Variants in DAAM1 observed in about 807,000 individuals in gnomAD.
The protein encoded by DAAM1 is disheveled-associated activator of morphogenesis 1.
In DAAM1, 52 loss-of-function variants were observed where a neutral mutation model predicts 130.0. The ratio of observed to expected loss-of-function variants is 0.40; its 90% CI spans 0.32 to 0.50. DAAM1 has a LOEUF of 0.50. DAAM1 is among the 20% of genes least tolerant of loss of function. DAAM1 has a pLI of 0.61. For missense variants in DAAM1, 1,134 were observed against 1,303.8 expected (o/e 0.87, Z 2.01); for synonymous variants, 452 against 444.5 (o/e 1.02, Z -0.21).
At chr14:59,232,654 T>G (rs1027786783) in intron 1 of DAAM1, among the ~76,000 whole-genome samples, 2 of 152,020 alleles carry the variant, frequency 1.3e-5, no homozygotes, top group Admixed American at 6.5e-5. Context: ...TCTTTTAAGT[T>G]CTGGGATACA....
At chr14:59,275,688 C>G (rs1039318547) in intron 2 of DAAM1, among the ~76,000 whole-genome samples, 4 of 152,150 alleles carry the variant, frequency 2.6e-5, no homozygotes, top group Non-Finnish European at 4.4e-5. Flanking sequence ...GTCTAGCCAA[C>G]TGAATATAGT....
At chr14:59,364,614 A>C (rs1342553787) in intron 23 of DAAM1, among the ~76,000 whole-genome samples, 1 of 151,238 alleles carries the variant, frequency 6.6e-6, no homozygotes, top group Non-Finnish European at 1.5e-5. Context: ...CCCATCTCTC[A>C]GTTGCCACAA....
intron 4 of DAAM1, among the ~76,000 whole-genome samples, chr14:59,316,293 C>T (rs1884792168): frequency 6.6e-6 from 1 of 152,134 alleles, no homozygotes; most frequent in South Asian, 2.1e-4. Context: ...TCACTCAAAA[C>T]AAGCATTTTA....
Position 59,371,090 on chromosome 14 carries a change from TGAAAA to T in DAAM1, c.*2237_*2241del, listed in dbSNP as rs1391941485. The T allele has an allele frequency of 2.2e-5, 2 of 89,138 alleles. No homozygotes were observed. Among genetic ancestry groups the T allele is most frequent in the Admixed American group, 2.6e-4 (2 of 7,706 alleles). 5.5% of individuals were successfully genotyped at this position (89,138 alleles called of 1,614,324 possible). On this transcript the variant is annotated 3_prime_UTR_variant, in exon 25 of 25. Coordinates refer to ENST00000360909, the MANE Select transcript of DAAM1 (RefSeq NM_001270520.2). ...TGCAGGTAATTCCATGTGCCATTGT[TGAAAA>T]GAAAAAAAAAAAACAAAAAAAAAAC...
chr14:59,350,131 A>G (rs1339571991), intron 17 of DAAM1, among the ~76,000 whole-genome samples: 1 of 152,076 alleles, frequency 6.6e-6, no homozygotes, highest in Admixed American at 6.5e-5. Context: ...CAGGAACAGA[A>G]ATGCCTAGAA....
At chr14:59,310,423 G>A (rs940503010) in intron 3 of DAAM1, among the ~76,000 whole-genome samples, 5 of 152,006 alleles carry the variant, frequency 3.3e-5, no homozygotes, top group Non-Finnish European at 4.4e-5. Flanking sequence ...GTGAGCCACC[G>A]TGCCTGGCCA....
intron 16 of DAAM1, among the ~76,000 whole-genome samples, chr14:59,344,683 A>G (rs1010844138): frequency 1.3e-5 from 2 of 152,206 alleles, no homozygotes; most frequent in Non-Finnish European, 2.9e-5. Flanking sequence ...TGTGGGCCAC[A>G]TTAAGAGAAA....
At chr14:59,225,096 C>A (rs989136056) in intron 1 of DAAM1, among the ~76,000 whole-genome samples, 2 of 131,024 alleles carry the variant, frequency 1.5e-5, no homozygotes, top group African/African-American at 5.8e-5. Flanking sequence ...GGCATAATCT[C>A]GGCCCACTGC....
chr14:59,325,593 A>C (rs924796679), intron 8 of DAAM1, 71 bp from the exon 9 acceptor site: 1 of 1,299,624 alleles, frequency 7.7e-7, no homozygotes. Context: ...CATGATATTA[A>C]TGTCCTCAGT....
intron 1 of DAAM1, among the ~76,000 whole-genome samples, chr14:59,245,342 T>C (rs999372645): frequency 6.6e-6 from 1 of 152,174 alleles, no homozygotes; most frequent in East Asian, 1.9e-4. Flanking sequence ...CTTGTTTAAG[T>C]TTGGGTCAGA....
intron 4 of DAAM1, among the ~76,000 whole-genome samples, chr14:59,319,389 C>G (rs1021164506): frequency 6.6e-6 from 1 of 152,144 alleles, no homozygotes; most frequent in Non-Finnish European, 1.5e-5. Context: ...TTACTTAATG[C>G]TGATACTATT....
In DAAM1 at chr14:59,250,589, A is replaced by G. The variant is rs532754818; in HGVS notation, c.-37-12852A>G. ...GAAGGCTTGCAAACATCCTTTTTTC[A>G]GTAGGATACTGTCACCTGCATCATG... On this transcript the variant is annotated intron_variant, in intron 1 of 24. Transcript: ENST00000360909. Among the ~76,000 whole-genome samples the G allele has an allele frequency of 3.3e-5, 5 of 152,344 alleles. No homozygotes were observed. In the East Asian group the frequency reaches 5.8e-4, roughly 18 times the overall value.
intron 1 of DAAM1, among the ~76,000 whole-genome samples, chr14:59,248,906 GC>G (rs1329121450): frequency 6.6e-6 from 1 of 152,138 alleles, no homozygotes. Context: ...TCCTGCCTCA[GC>G]CTCCCAAGTA....
chr14:59,357,342 C>T (rs1886522217), intron 20 of DAAM1: 1 of 151,610 alleles, frequency 6.6e-6, no homozygotes, highest in African/African-American at 2.4e-5. Flanking sequence ...TAAGAAGTCT[C>T]TCAATAGCAA....
Position 59,330,646 on chromosome 14 carries a change from G to T in DAAM1, c.1518G>T (p.Gln506His). The change falls in exon 13 of 25, where the codon CAG becomes CAT. Residue 506 changes from glutamine (Q) to histidine (H), a missense_variant. This residue lies in a region of DAAM1 where 644 missense variants were observed against 695.9 expected (regional missense o/e 0.93). Coordinates refer to ENST00000360909, the MANE Select transcript of DAAM1 (RefSeq NM_001270520.2). Reference sequence around the variant, plus strand: ...CTACTGAGCATAAGCAAGTCAAGCAGCAGGTGGCGGACCTCACAGCACAGC... The same window carrying T: ...CTACTGAGCATAAGCAAGTCAAGCATCAGGTGGCGGACCTCACAGCACAGC... ...KETTEHKQVKQQVADLTAQLH... is the reference protein window; with the variant it reads ...KETTEHKQVKHQVADLTAQLH... The T allele has an allele frequency of 6.2e-7, 1 of 1,613,852 alleles. No homozygotes were observed. Among genetic ancestry groups the T allele is most frequent in the Non-Finnish European group, 8.5e-7 (1 of 1,179,916 alleles).
intron 1 of DAAM1, among the ~76,000 whole-genome samples, chr14:59,254,154 T>G (rs17833834): frequency 0.25 from 38,339 of 152,114 alleles, 5,849 homozygotes; most frequent in Non-Finnish European, 0.35. Flanking sequence ...CATTTACCTG[T>G]ATTTGTGAAG....
At chr14:59,351,198 T>C (rs1261011491) in intron 17 of DAAM1, among the ~76,000 whole-genome samples, 3 of 152,166 alleles carry the variant, frequency 2.0e-5, no homozygotes, top group Non-Finnish European at 4.4e-5. Context: ...AGTTCCATTT[T>C]AGTCTCATAA....
rs572489568 is a variant in DAAM1, at chr14:59,279,480, G to T, written c.184-11737G>T. Reference sequence around the variant, plus strand: ...CAACTTTGCTTTCATTGCCCTTCTTGCCCAGCAGCCTATCTAAATGAATAT... The same window carrying T: ...CAACTTTGCTTTCATTGCCCTTCTTTCCCAGCAGCCTATCTAAATGAATAT... On this transcript the variant is annotated intron_variant, in intron 2 of 24. Coordinates refer to ENST00000360909, the MANE Select transcript of DAAM1 (RefSeq NM_001270520.2). Among the ~76,000 whole-genome samples, 6 of 151,980 alleles carry T rather than the reference G, an allele frequency of 3.9e-5. No individual in the cohort carries two copies. The South Asian group carries it at 1.3e-3, about 32-fold the overall frequency.
At chr14:59,285,362 A>T (rs968849578) in intron 2 of DAAM1, among the ~76,000 whole-genome samples, 1 of 152,178 alleles carries the variant, frequency 6.6e-6, no homozygotes, top group Non-Finnish European at 1.5e-5. Flanking sequence ...TGAAGTCTAC[A>T]TATGCACATA....
Sources: gnomAD v4.1 joint callset for allele counts (sites outside exome capture counted in the v4.1 genomes callset) on GRCh38, gnomAD v4.1.1 for gene constraint, gnomAD v4.1.1 regional missense constraint, MANE v1.5 for transcripts, NCBI Gene and HGNC (gene_info 2026-07-23, HGNC 2026-07-21) for gene names.